Variants in RABGEF1 observed in about 807,000 individuals in gnomAD.
RABGEF1 encodes RAB guanine nucleotide exchange factor 1, also known as rab5 GDP/GTP exchange factor.
A neutral mutation model predicts 57.3 loss-of-function variants in RABGEF1; 26 were observed. The observed-to-expected ratio is 0.45, with a 90% CI of 0.33 to 0.63. RABGEF1 has a LOEUF of 0.63. RABGEF1 is among the 20% of genes least tolerant of loss of function. The probability of loss-of-function intolerance (pLI) is 0.02; values close to 1 mark genes in which losing one functional copy is unlikely to be tolerated. For synonymous variants in RABGEF1, 185 were observed against 210.7 expected (o/e 0.88, Z 1.06); for missense variants, 464 against 607.6 (o/e 0.76, Z 2.48).
At chr7:66,776,178 T>C (rs1442012044) in intron 3 of RABGEF1, among the ~76,000 whole-genome samples, 1 of 152,192 alleles carries the variant, frequency 6.6e-6, no homozygotes, top group East Asian at 1.9e-4. Flanking sequence ...ACACTGATGC[T>C]GTCAGAAGAC....
At chr7:66,775,765 G>C (rs1185093484) in intron 3 of RABGEF1, among the ~76,000 whole-genome samples, 2 of 152,096 alleles carry the variant, frequency 1.3e-5, no homozygotes, top group Non-Finnish European at 2.9e-5. Context: ...TGTCAGAAAT[G>C]GTGATTTCTA....
At chr7:66,666,745 C>T in the RABGEF1 span, among the ~76,000 whole-genome samples, 1 of 152,204 alleles carries the variant, frequency 6.6e-6, no homozygotes, top group Non-Finnish European at 1.5e-5. Flanking sequence ...GGTTAGTGTC[C>T]AGCTGGGTGG....
Position 66,807,321 on chromosome 7 carries a change from T to C in RABGEF1, c.1078-1565T>C, listed in dbSNP as rs191770054. On this transcript the variant is annotated intron_variant, in intron 8 of 8. Transcript: ENST00000284957. The stretch of plus-strand genomic sequence containing the variant: ...TCCAGCTGACGAACCCCACGGGCAC[T>C]CACAGTCTTCATCTTCCTTCGCTTC... 1.2e-4 allele frequency among the ~76,000 whole-genome samples: 18 copies of C among 152,366 alleles called. No individual in the cohort carries two copies. In the East Asian group the frequency reaches 3.3e-3, roughly 28 times the overall value.
chr7:66,737,874 T>C (rs1446688264), upstream of RABGEF1, among the ~76,000 whole-genome samples: 3 of 152,194 alleles, frequency 2.0e-5, no homozygotes, highest in Non-Finnish European at 2.9e-5. Flanking sequence ...GGGTCTTCCC[T>C]CTTGCTGCTC....
At chr7:66,729,045 G>A (rs1481245590) in intron 2 of RABGEF1, among the ~76,000 whole-genome samples, 2 of 151,620 alleles carry the variant, frequency 1.3e-5, no homozygotes, top group Non-Finnish European at 2.9e-5. Flanking sequence ...CTGCCTCCTG[G>A]GTTCAACCGA....
chr7:66,749,442 A>G (rs969774119), intron 1 of RABGEF1, among the ~76,000 whole-genome samples: 1 of 152,230 alleles, frequency 6.6e-6, no homozygotes, highest in Admixed American at 6.5e-5. Context: ...CTCAAAAAGG[A>G]GTTGGGCTAG....
chr7:66,685,084 A>G (rs1217203009), intron 1 of RABGEF1, among the ~76,000 whole-genome samples: 1 of 151,100 alleles, frequency 6.6e-6, no homozygotes, highest in Non-Finnish European at 1.5e-5. Context: ...AATTTTATGT[A>G]GCTCTTACGT....
rs1810516167 is a variant in RABGEF1, at chr7:66,783,802, A to G, written c.474A>G (p.Lys158=). The G allele has an allele frequency of 2.5e-6, 4 of 1,613,430 alleles. No individual in the cohort carries two copies. Among genetic ancestry groups the G allele is most frequent in the Non-Finnish European group, 3.4e-6 (4 of 1,179,612 alleles). The part of the protein sequence containing the change: ...TFHKTGQEIY[K]QTKLFLEGMH... ...ACAAGACAGGCCAAGAAATCTATAAACAGACCAAGCTGTTTTTGGAAGGAA... is the reference window on the plus strand; with the variant it reads ...ACAAGACAGGCCAAGAAATCTATAAGCAGACCAAGCTGTTTTTGGAAGGAA... The change falls in exon 4 of 9, where the codon AAA becomes AAG. Residue 158 remains lysine (K), a synonymous_variant. Coordinates refer to ENST00000284957, the MANE Select transcript of RABGEF1 (RefSeq NM_014504.3).
chr7:66,750,590 A>T (rs543373621), intron 1 of RABGEF1, among the ~76,000 whole-genome samples: 8 of 152,356 alleles, frequency 5.3e-5, no homozygotes, highest in Non-Finnish European at 1.0e-4. Flanking sequence ...GCATTAAAAG[A>T]TACATATTTT....
the RABGEF1 span, among the ~76,000 whole-genome samples, chr7:66,671,817 C>CTT: frequency 0.59 from 73,394 of 125,270 alleles, 22,133 homozygotes; most frequent in African/African-American, 0.71. Context: ...GTGAGACTGT[C>CTT]TTTTTTTTTT....
chr7:66,740,737 C>G lies in RABGEF1; in HGVS notation c.-73C>G, dbSNP rs998444704. 1.3e-5 allele frequency: 2 copies of G among 152,720 alleles called. No homozygotes were observed. The highest frequency in any genetic ancestry group is 4.8e-5 in the African/African-American group (2 of 41,452). 9.5% of individuals were successfully genotyped at this position (152,720 alleles called of 1,614,324 possible). On this transcript the variant is annotated 5_prime_UTR_variant, in exon 1 of 9. Coordinates refer to ENST00000284957, the MANE Select transcript of RABGEF1 (RefSeq NM_014504.3). Reference sequence around the variant, plus strand: ...CGGGAGCTGGCCGCGGAGCCCAGACCTACCCGGGCGAAGCGGGCGAGCGGT... The same window carrying G: ...CGGGAGCTGGCCGCGGAGCCCAGACGTACCCGGGCGAAGCGGGCGAGCGGT...
intron 1 of RABGEF1, among the ~76,000 whole-genome samples, chr7:66,682,669 G>C (rs2003301): frequency 0.5 from 76,038 of 151,754 alleles, 20,014 homozygotes; most frequent in African/African-American, 0.66. Context: ...AACGCGCCGG[G>C]ATGGGACGCT....
intron 3 of RABGEF1, 129 bp from the exon 4 acceptor site, chr7:66,783,546 A>T: frequency 4.4e-6 from 4 of 906,976 alleles, no homozygotes; most frequent in Non-Finnish European, 6.1e-6. Context: ...ATTCAAACAT[A>T]AAATTATTTA....
intron 2 of RABGEF1, among the ~76,000 whole-genome samples, chr7:66,715,406 T>C (rs1375806823): frequency 6.6e-6 from 1 of 152,160 alleles, no homozygotes; most frequent in South Asian, 2.1e-4. Flanking sequence ...GTTGGGATTA[T>C]AGGTGTGGGC....
intron 1 of RABGEF1, among the ~76,000 whole-genome samples, chr7:66,684,783 C>T (rs570205207): frequency 9.2e-5 from 14 of 152,270 alleles, no homozygotes; most frequent in Middle Eastern, 3.4e-3. Context: ...TGCAGGCACC[C>T]GCCACCATGC....
At chr7:66,779,193 G>A (rs753422944) in intron 3 of RABGEF1, among the ~76,000 whole-genome samples, 41 of 151,962 alleles carry the variant, frequency 2.7e-4, no homozygotes, top group Admixed American at 1.2e-3. Flanking sequence ...ATCATAATCC[G>A]TGTGTTAATT....
intron 1 of RABGEF1, chr7:66,770,186 A>G (rs1429571983): frequency 3.9e-5 from 6 of 152,238 alleles, no homozygotes; most frequent in African/African-American, 1.4e-4. Context: ...AATTCTCTGC[A>G]CACAGTTGGC....
At chr7:66,788,691 A>G (rs1180737468) in intron 4 of RABGEF1, among the ~76,000 whole-genome samples, 1 of 152,134 alleles carries the variant, frequency 6.6e-6, no homozygotes, top group Non-Finnish European at 1.5e-5. Context: ...TAAAAATCTG[A>G]TACTGAGCTG....
chr7:66,797,306 C>CAAAAA, intron 5 of RABGEF1, 68 bp from the exon 6 acceptor site: 37 of 974,978 alleles, frequency 3.8e-5, no homozygotes, highest in Middle Eastern at 3.8e-4. Flanking sequence ...TCTTTGTTTG[C>CAAAAA]AAAAAAAAAA....
Sources: allele counts gnomAD v4.1 joint callset (sites outside exome capture counted in the v4.1 genomes callset), GRCh38; gene constraint gnomAD v4.1.1; transcripts MANE v1.5; gene names NCBI Gene and HGNC (gene_info 2026-07-23, HGNC 2026-07-21).